The following LYRM4 variants were observed in gnomAD, a reference collection of about 807,000 sequenced individuals.
LYRM4 encodes the protein LYR motif-containing protein 4.
A neutral mutation model predicts 11.7 loss-of-function variants in LYRM4; 9 were observed. The observed-to-expected ratio is 0.77, with a 90% CI of 0.46 to 1.34. LYRM4 has a LOEUF of 1.34. Among genes scored for constraint, LYRM4 ranks in the 40% most tolerant of loss-of-function variants. LYRM4 has a pLI of 0.00. For synonymous variants in LYRM4, 42 were observed against 40.4 expected (o/e 1.04, Z -0.15); for missense variants, 133 against 112.5 (o/e 1.18, Z -0.82).
chr6:5,233,672 C>T (rs1385547140), intron 1 of LYRM4, among the ~76,000 whole-genome samples: 5 of 152,184 alleles, frequency 3.3e-5, no homozygotes, highest in Non-Finnish European at 7.3e-5. Context: ...AAGACAGGGT[C>T]TCTATGTTGC....
intron 2 of LYRM4, among the ~76,000 whole-genome samples, chr6:5,206,820 G>A (rs942872257): frequency 2.0e-5 from 3 of 152,000 alleles, no homozygotes; most frequent in African/African-American, 7.2e-5. Context: ...GGGCATTCTG[G>A]TACCACATTT....
At chr6:5,259,812 A>G (rs1764892623) in intron 1 of LYRM4, among the ~76,000 whole-genome samples, 1 of 152,186 alleles carries the variant, frequency 6.6e-6, no homozygotes, top group African/African-American at 2.4e-5. Context: ...ACAAAACAAA[A>G]CAAAAAACAA....
downstream of LYRM4, among the ~76,000 whole-genome samples, chr6:5,101,077 GC>G (rs1026073722): frequency 6.6e-6 from 1 of 151,938 alleles, no homozygotes; most frequent in Non-Finnish European, 1.5e-5. Flanking sequence ...ACTGCACATC[GC>G]TGCCGTACAT....
At chr6:5,130,281 C>T (rs1763891477) in intron 2 of LYRM4, among the ~76,000 whole-genome samples, 1 of 151,906 alleles carries the variant, frequency 6.6e-6, no homozygotes, top group South Asian at 2.1e-4. Flanking sequence ...ATTAGTGGGC[C>T]TGGAGGAGAC....
chr6:5,125,085 C>A (rs1188491598), intron 2 of LYRM4, among the ~76,000 whole-genome samples: 1 of 152,184 alleles, frequency 6.6e-6, no homozygotes, highest in Admixed American at 6.5e-5. Context: ...GAACTGTGAG[C>A]ATCTTCCTGG....
chr6:5,203,000 C>T (rs998058615), intron 2 of LYRM4, among the ~76,000 whole-genome samples: 2 of 152,152 alleles, frequency 1.3e-5, no homozygotes, highest in Non-Finnish European at 1.5e-5. Context: ...ACATACAACA[C>T]TAATAAACCA....
intron 1 of LYRM4, among the ~76,000 whole-genome samples, chr6:5,246,354 G>C (rs1000036855): frequency 6.6e-6 from 1 of 152,210 alleles, no homozygotes; most frequent in East Asian, 1.9e-4. Flanking sequence ...TTGAAGCAAG[G>C]GGGTGGAGTG....
chr6:5,086,245 T>A, the LYRM4 span: 1 of 1,535,478 alleles, frequency 6.5e-7, no homozygotes, highest in Non-Finnish European at 8.7e-7. Context: ...GCGCTACACC[T>A]TTACCGAGTG....
chr6:5,240,613 CAG>C (rs1763819640), intron 1 of LYRM4: 1 of 152,206 alleles, frequency 6.6e-6, no homozygotes, highest in Admixed American at 6.5e-5. Context: ...GCAAAGTACT[CAG>C]GGGCTTCCGT....
At chr6:5,036,806 C>G in the LYRM4 span, among the ~76,000 whole-genome samples, 7 of 152,164 alleles carry the variant, frequency 4.6e-5, no homozygotes, top group South Asian at 2.1e-4. Context: ...AGACACAGTC[C>G]ACTTTCTCAG....
intron 2 of LYRM4, among the ~76,000 whole-genome samples, chr6:5,195,381 C>G (rs1458447852): frequency 6.6e-6 from 1 of 151,850 alleles, no homozygotes; most frequent in Non-Finnish European, 1.5e-5. Context: ...GAGGCTGAGG[C>G]AGGTGATCAC....
At chr6:5,250,326 G>A (rs1416987622) in intron 1 of LYRM4, among the ~76,000 whole-genome samples, 5 of 151,998 alleles carry the variant, frequency 3.3e-5, no homozygotes, top group East Asian at 1.9e-4. Context: ...GCAATGACAC[G>A]CAGATCTAAT....
intron 1 of LYRM4, among the ~76,000 whole-genome samples, chr6:5,256,124 A>C (rs1388459296): frequency 6.6e-6 from 1 of 152,042 alleles, no homozygotes; most frequent in African/African-American, 2.4e-5. Context: ...ATTAGTGGCT[A>C]CGGATGCTAT....
chr6:5,243,861 G>A (rs1764021540), intron 1 of LYRM4, among the ~76,000 whole-genome samples: 1 of 152,184 alleles, frequency 6.6e-6, no homozygotes, highest in Non-Finnish European at 1.5e-5. Flanking sequence ...CAATCATATG[G>A]TGGCAGACAT....
At chr6:5,251,799 G>A (rs1217346983) in intron 1 of LYRM4, among the ~76,000 whole-genome samples, 1 of 152,148 alleles carries the variant, frequency 6.6e-6, no homozygotes, top group Non-Finnish European at 1.5e-5. Flanking sequence ...GGCAGTCACT[G>A]TTAAAAGATC....
intron 2 of LYRM4, among the ~76,000 whole-genome samples, chr6:5,119,963 C>T (rs1446474776): frequency 4.0e-5 from 6 of 151,862 alleles, no homozygotes; most frequent in East Asian, 1.9e-4. Flanking sequence ...TGCATGATCT[C>T]GGCTCACTGC....
At chr6:5,057,942 G>T in the LYRM4 span, among the ~76,000 whole-genome samples, 1 of 152,026 alleles carries the variant, frequency 6.6e-6, no homozygotes, top group Non-Finnish European at 1.5e-5. Context: ...TGTAGAGATG[G>T]GGTCACTTTA....
intron 2 of LYRM4, among the ~76,000 whole-genome samples, chr6:5,116,016 GCA>G (rs1763103427): frequency 6.6e-6 from 1 of 152,146 alleles, no homozygotes; most frequent in Admixed American, 6.5e-5. Flanking sequence ...TGCCTTCAAA[GCA>G]CAGTTTAGGA....
intron 2 of LYRM4, among the ~76,000 whole-genome samples, chr6:5,194,248 C>T (rs533630180): frequency 1.3e-5 from 2 of 152,268 alleles, no homozygotes; most frequent in South Asian, 4.1e-4. Context: ...AAGGTTTGGC[C>T]AACTGTAGTT....
Sources: gnomAD v4.1 joint callset for allele counts (sites outside exome capture counted in the v4.1 genomes callset) on GRCh38, gnomAD v4.1.1 for gene constraint, MANE v1.5 for transcripts, NCBI Gene and HGNC (gene_info 2026-07-23, HGNC 2026-07-21) for gene names.